The following PAPPA2 variants were observed in gnomAD, a reference collection of about 807,000 sequenced individuals.
The protein encoded by PAPPA2 is pappalysin-2.
PAPPA2 carries 86 observed loss-of-function variants against 176.4 expected under a neutral mutation model. The ratio of observed to expected loss-of-function variants is 0.49; its 90% CI spans 0.41 to 0.58. The LOEUF (loss-of-function observed/expected upper bound fraction) is 0.58. PAPPA2 is among the 20% of genes least tolerant of loss of function. The probability of loss-of-function intolerance (pLI) is 0.00; values close to 1 mark genes in which losing one functional copy is unlikely to be tolerated. For synonymous variants in PAPPA2, 809 were observed against 852.2 expected (o/e 0.95, Z 0.88); for missense variants, 2,073 against 2,256.9 (o/e 0.92, Z 1.65).
chr1:176,743,583 T>C (rs1011684128), intron 14 of PAPPA2, among the ~76,000 whole-genome samples: 9 of 152,204 alleles, frequency 5.9e-5, no homozygotes, highest in African/African-American at 2.2e-4. Context: ...CAGGATTGTG[T>C]TGATGGCTTT....
chr1:176,650,482 A>G (rs1243885831), intron 3 of PAPPA2, among the ~76,000 whole-genome samples: 1 of 151,466 alleles, frequency 6.6e-6, no homozygotes, highest in South Asian at 2.1e-4. Flanking sequence ...ATATGTATAC[A>G]TGTGCCATGT....
At chr1:176,520,637 T>C (rs2102537040) in intron 1 of PAPPA2, among the ~76,000 whole-genome samples, 1 of 152,244 alleles carries the variant, frequency 6.6e-6, no homozygotes, top group Middle Eastern at 3.4e-3. Flanking sequence ...GACATAAAAG[T>C]TTCAAGAAGA....
intron 12 of PAPPA2, among the ~76,000 whole-genome samples, chr1:176,732,300 G>A (rs940643858): frequency 6.6e-6 from 1 of 152,144 alleles, no homozygotes; most frequent in African/African-American, 2.4e-5. Context: ...TTTAGAAACT[G>A]GGAGAAAATA....
intron 3 of PAPPA2, among the ~76,000 whole-genome samples, chr1:176,609,312 T>C (rs1020647909): frequency 6.6e-6 from 1 of 152,224 alleles, no homozygotes; most frequent in Non-Finnish European, 1.5e-5. Flanking sequence ...AGCTTTGTAG[T>C]GCAGTGTGGT....
intron 9 of PAPPA2, among the ~76,000 whole-genome samples, chr1:176,705,635 G>A (rs898489986): frequency 4.6e-5 from 7 of 152,116 alleles, no homozygotes; most frequent in Admixed American, 2.6e-4. Flanking sequence ...CTTTATGTCC[G>A]TTTCACTATA....
intron 4 of PAPPA2, among the ~76,000 whole-genome samples, chr1:176,680,464 T>C (rs1485917128): frequency 6.6e-6 from 1 of 152,252 alleles, no homozygotes; most frequent in Admixed American, 6.5e-5. Context: ...GATCACGTTT[T>C]GTTAAACTAG....
rs1316090464 is a variant in PAPPA2 at position 176,789,658 on chromosome 1, G to A, written c.4716-151G>A. The A allele has an allele frequency of 9.7e-6, 7 of 723,224 alleles. No individual in the cohort carries two copies. The South Asian group carries it at 1.2e-4, about 12-fold the overall frequency. The allele number at this position is 723,224 out of a possible 1,614,324, so 44.8% of individuals were successfully genotyped here. ...TTACTATTTTTAGTTCCATGATTTA[G>A]AAATTAGCCTAGGACAGTGGGACAT... On this transcript the variant is annotated intron_variant, in intron 17 of 22. Transcript: ENST00000367662.
intron 22 of PAPPA2, 93 bp from the exon 23 acceptor site, chr1:176,842,287 C>A: frequency 1.7e-6 from 2 of 1,160,838 alleles, no homozygotes; most frequent in South Asian, 1.3e-5. Context: ...TTCTACAGTT[C>A]CTCTGGGACC....
chr1:176,787,257 T>G (rs76428648), intron 17 of PAPPA2, among the ~76,000 whole-genome samples: 3 of 152,014 alleles, frequency 2.0e-5, no homozygotes, highest in Non-Finnish European at 4.4e-5. Context: ...TTTTTTTTTT[T>G]GGACACAGTC....
chr1:176,799,969 T>C (rs1285973323), intron 20 of PAPPA2, 92 bp from the exon 21 acceptor site: 1 of 1,266,974 alleles, frequency 7.9e-7, no homozygotes, highest in Non-Finnish European at 1.1e-6. Context: ...GAAATGGAGT[T>C]GGACTCCTGT....
chr1:176,799,540 A>G lies in PAPPA2; in HGVS notation c.5131-521A>G, dbSNP rs116336258. ...ATGATACCAAGAATTACAGAGTGCAATTTCACCTCCAGTCCTGGTGTGGGC... is the reference window on the plus strand; with the variant it reads ...ATGATACCAAGAATTACAGAGTGCAGTTTCACCTCCAGTCCTGGTGTGGGC... On this transcript the variant is annotated intron_variant, in intron 20 of 22. Transcript: ENST00000367662. 3.9e-3 allele frequency among the ~76,000 whole-genome samples: 588 copies of G among 152,178 alleles called. 3 individuals carry two copies. Among genetic ancestry groups the G allele is most frequent in the African/African-American group, 0.013 (556 of 41,528 alleles).
intron 4 of PAPPA2, among the ~76,000 whole-genome samples, chr1:176,688,971 G>A (rs1180181976): frequency 6.6e-6 from 1 of 152,194 alleles, no homozygotes; most frequent in African/African-American, 2.4e-5. Flanking sequence ...ATACTCAGAA[G>A]ACTATTGATA....
Position 176,493,232 on chromosome 1 carries a change from T to C in PAPPA2, c.-917+29814T>C, listed in dbSNP as rs967322235. ...AAGTAGAGTGAGGGCAGTGATCTCT[T>C]GCTCTTTCCTACTCTGCACCCCTGA... On this transcript the variant is annotated intron_variant, in intron 1 of 22. Coordinates refer to ENST00000367662, the MANE Select transcript of PAPPA2 (RefSeq NM_020318.3). 4.6e-5 allele frequency among the ~76,000 whole-genome samples: 7 copies of C among 152,336 alleles called. No individual in the cohort carries two copies. In the East Asian group the frequency reaches 1.3e-3, roughly 29 times the overall value.
At chr1:176,730,901 G>A (rs141815108) in intron 12 of PAPPA2, among the ~76,000 whole-genome samples, 14 of 151,790 alleles carry the variant, frequency 9.2e-5, no homozygotes, top group African/African-American at 3.1e-4. Flanking sequence ...ATTTTTCAGG[G>A]CATAATAACT....
intron 1 of PAPPA2, among the ~76,000 whole-genome samples, chr1:176,523,570 C>T (rs1170575562): frequency 1.3e-5 from 2 of 152,148 alleles, no homozygotes; most frequent in Admixed American, 1.3e-4. Flanking sequence ...TTTTTTTAAA[C>T]AATTTTTCTA....
chr1:176,638,939 CGTGT>C lies in PAPPA2; in HGVS notation c.1992-32002_1992-31999del, dbSNP rs34264749. ...GTGTGTGTGTGTGCATGTGCATGTG[CGTGT>C]GTGTGTGTGTGTGTGTGTGTGTGTG... is the stretch of plus-strand genomic sequence containing the variant. On this transcript the variant is annotated intron_variant, in intron 3 of 22. Transcript: ENST00000367662. 8.1e-3 allele frequency among the ~76,000 whole-genome samples: 1,153 copies of C among 143,054 alleles called. 6 individuals are homozygous for C. Among genetic ancestry groups the C allele is most frequent in the African/African-American group, 0.014 (550 of 39,314 alleles). The allele number at this position is 143,054 out of a possible 152,430, so 93.8% of individuals were successfully genotyped here. A position where few individuals can be genotyped will look rare whatever the true frequency, so the allele number is the denominator to read the frequency against.
At chr1:176,837,478 CAAA>C (rs35134966) in intron 21 of PAPPA2, among the ~76,000 whole-genome samples, 1,667 of 94,810 alleles carry the variant, frequency 0.018, 19 homozygotes, top group East Asian at 0.096. Context: ...TGTTAAAAGG[CAAA>C]AAAAAAAAAA....
intron 1 of PAPPA2, among the ~76,000 whole-genome samples, chr1:176,550,614 A>C: frequency 6.6e-6 from 1 of 152,226 alleles, no homozygotes; most frequent in East Asian, 1.9e-4. Context: ...TGGGAAACTT[A>C]ACCTGTCCAT....
intron 5 of PAPPA2, chr1:176,690,727 T>C: frequency 8.4e-7 from 1 of 1,195,922 alleles, no homozygotes; most frequent in Non-Finnish European, 1.0e-6. Context: ...TGTGATCCCC[T>C]TGACTTCTAG....
Sources: gnomAD v4.1 joint callset for allele counts (sites outside exome capture counted in the v4.1 genomes callset) on GRCh38, gnomAD v4.1.1 for gene constraint, MANE v1.5 for transcripts, NCBI Gene and HGNC (gene_info 2026-07-23, HGNC 2026-07-21) for gene names.